INHBA: variants seen among roughly 807,000 people sequenced by gnomAD.
The protein encoded by INHBA is inhibin subunit beta A.
A neutral mutation model predicts 29.0 loss-of-function variants in INHBA; 1 was observed. That is an observed-to-expected ratio of 0.03 (90% confidence interval 0.01 to 0.16). INHBA has a LOEUF of 0.16. Ranked by LOEUF, INHBA falls within the 10% of genes least tolerant of loss-of-function variation. The pLI is 1.00. For synonymous variants in INHBA, 242 were observed against 216.8 expected (o/e 1.12, Z -1.02); for missense variants, 376 against 545.4 (o/e 0.69, Z 3.09).
chr7:41,686,851 T>C lies in INHBA; in HGVS notation c.*2799A>G, dbSNP rs901312789. The C allele has an allele frequency of 3.3e-5, 5 of 152,236 alleles. No individual in the cohort carries two copies. Among genetic ancestry groups the C allele is most frequent in the Admixed American group, 3.3e-4 (5 of 15,280 alleles). 9.4% of individuals were successfully genotyped at this position (152,236 alleles called of 1,614,324 possible). ...TCTTGGTAAATTTCTGCTTTTTCCA[T>C]GGCCTTGACCATCTTTGCTACTGCG... On this transcript the variant is annotated 3_prime_UTR_variant, in exon 3 of 3. Coordinates refer to ENST00000242208, the MANE Select transcript of INHBA (RefSeq NM_002192.4).
intron 2 of INHBA, chr7:41,693,867 C>T (rs959735249): frequency 6.6e-6 from 1 of 152,218 alleles, no homozygotes; most frequent in Non-Finnish European, 1.5e-5. Flanking sequence ...TCTCTCTCCC[C>T]CATATTTCTG....
intron 2 of INHBA, among the ~76,000 whole-genome samples, chr7:41,699,311 C>A (rs1388720100): frequency 6.6e-6 from 1 of 152,064 alleles, no homozygotes; most frequent in African/African-American, 2.4e-5. Context: ...TTTCAGAGAG[C>A]AAAAGTCAGT....
chr7:41,702,831 A>G (rs1794825020), intron 1 of INHBA, among the ~76,000 whole-genome samples, 174 bp downstream of exon 1: 1 of 152,234 alleles, frequency 6.6e-6, no homozygotes, highest in South Asian at 2.1e-4. Flanking sequence ...GTATAAACAT[A>G]TAATCTATTT....
At chr7:41,698,603 C>G (rs954136383) in intron 2 of INHBA, among the ~76,000 whole-genome samples, 4 of 152,104 alleles carry the variant, frequency 2.6e-5, no homozygotes, top group African/African-American at 9.7e-5. Context: ...TAAGAAAGAG[C>G]TTTAGGGAAA....
rs537097205 is a variant in INHBA at position 41,697,558 on chromosome 7, G to A, written c.388+2429C>T. 2.0e-5 allele frequency among the ~76,000 whole-genome samples: 3 copies of A among 152,316 alleles called. No homozygotes were observed. In the South Asian group the frequency reaches 6.2e-4, roughly 32 times the overall value. On this transcript the variant is annotated intron_variant, in intron 2 of 2. Coordinates refer to ENST00000242208, the MANE Select transcript of INHBA (RefSeq NM_002192.4). ...AAATTGAAGAATCTTGAGGTTGAAAGGGGCTGCTATGGGTCTGCATCTGTG... is the reference window on the plus strand; with the variant it reads ...AAATTGAAGAATCTTGAGGTTGAAAAGGGCTGCTATGGGTCTGCATCTGTG...
intron 2 of INHBA, among the ~76,000 whole-genome samples, chr7:41,695,958 C>A (rs1277269426): frequency 6.6e-6 from 1 of 152,154 alleles, no homozygotes; most frequent in African/African-American, 2.4e-5. Context: ...AATATTACAA[C>A]GGACTTTCCA....
At position 41,700,365 on chromosome 7, in the gene INHBA, G is replaced by A; in HGVS notation, c.10C>T (p.Leu4Phe). 6.8e-7 allele frequency: 1 copy of A among 1,469,942 alleles called. No homozygotes were observed. Among genetic ancestry groups the A allele is most frequent in the South Asian group, 1.5e-5 (1 of 66,766 alleles). The allele number at this position is 1,469,942 out of a possible 1,614,324, so 91.1% of individuals were successfully genotyped here. Residue 4 changes from leucine (L) to phenylalanine (F), a missense_variant, in exon 2 of 3, where the codon CTT (leucine) becomes TTT (phenylalanine). Leu to Phe is a conservative substitution (Grantham distance 22, BLOSUM62 0). Transcript: ENST00000242208. MPL[L>F]WLRGFLLASC... Reference sequence around the variant, plus strand: ...GCCAACAGAAATCCTCTCAGCCAAAGCAAGGGCATCCTGGCAGCAAAAGTT... The same window carrying A: ...GCCAACAGAAATCCTCTCAGCCAAAACAAGGGCATCCTGGCAGCAAAAGTT...
chr7:41,694,031 CAGG>C (rs1200318599), intron 2 of INHBA: 3 of 152,306 alleles, frequency 2.0e-5, no homozygotes, highest in African/African-American at 7.2e-5. Flanking sequence ...CCATAATGCT[CAGG>C]AGAACAGGGG....
chr7:41,690,631 T>A (rs1047185595), intron 2 of INHBA, 89 bp from the exon 3 acceptor site: 1 of 1,436,522 alleles, frequency 7.0e-7, no homozygotes, highest in Admixed American at 2.7e-5. Flanking sequence ...CAAGCAGGAG[T>A]CTTCTGTGAC....
chr7:41,689,102 C>CTGTGTG lies in INHBA; in HGVS notation c.*542_*547dup, dbSNP rs56919042. ...GTATATATGTAATGTGTGGAAATGC[C>CTGTGTG]TGTGTGTGTGTGTGTGTGTGTGTGT... On this transcript the variant is annotated 3_prime_UTR_variant, in exon 3 of 3. Transcript: ENST00000242208. 1,819 of 224,682 alleles carry CTGTGTG rather than the reference C, an allele frequency of 8.1e-3. 31 individuals are homozygous for CTGTGTG. Among genetic ancestry groups the CTGTGTG allele is most frequent in the African/African-American group, 0.035 (1,530 of 43,108 alleles). The allele number at this position is 224,682 out of a possible 1,614,324, so 13.9% of individuals were successfully genotyped here.
chr7:41,696,956 A>T (rs1408236060), intron 2 of INHBA, among the ~76,000 whole-genome samples: 1 of 152,212 alleles, frequency 6.6e-6, no homozygotes, highest in East Asian at 1.9e-4. Context: ...TTCTTTCTAC[A>T]ACAAGTGCTA....
chr7:41,695,675 A>G (rs1293904391), intron 2 of INHBA, among the ~76,000 whole-genome samples: 9 of 152,190 alleles, frequency 5.9e-5, no homozygotes, highest in African/African-American at 1.9e-4. Flanking sequence ...TAAAGTGGTG[A>G]TGAAAAAGGT....
At chr7:41,695,869 A>AT (rs1448941921) in intron 2 of INHBA, among the ~76,000 whole-genome samples, 3 of 152,126 alleles carry the variant, frequency 2.0e-5, no homozygotes, top group Non-Finnish European at 4.4e-5. Flanking sequence ...ACGTGCAAGT[A>AT]TTTTTTAGCA....
At position 41,689,504 on chromosome 7, in the gene INHBA, TTTAC is replaced by T. The variant is rs1794451423; in HGVS notation, c.*142_*145del. 2.6e-6 allele frequency: 2 copies of T among 762,792 alleles called. No individual in the cohort carries two copies. The highest frequency in any genetic ancestry group is 1.8e-5 in the African/African-American group (1 of 54,816). 47.3% of individuals were successfully genotyped at this position (762,792 alleles called of 1,614,324 possible). ...CTGTTTCATCAGGTTTTGTTTTTAA[TTTAC>T]TTTTGTTTTTTTTTGTTTTTTTTTT... On this transcript the variant is annotated 3_prime_UTR_variant, in exon 3 of 3. Coordinates refer to ENST00000242208, the MANE Select transcript of INHBA (RefSeq NM_002192.4).
At chr7:41,704,274 C>G (rs1794861017), upstream of INHBA, among the ~76,000 whole-genome samples, 1 of 150,942 alleles carries the variant, frequency 6.6e-6, no homozygotes. Context: ...TGGCTAGATA[C>G]AGAGAAAGTG....
chr7:41,700,902 G>A (rs1198229668), intron 1 of INHBA, among the ~76,000 whole-genome samples: 1 of 144,356 alleles, frequency 6.9e-6, no homozygotes, highest in South Asian at 2.3e-4. Context: ...AAGTAAGTGA[G>A]TGAATGGAGA....
At position 41,689,513 on chromosome 7, in the gene INHBA, G is replaced by GTTTTTTT; in HGVS notation, c.*130_*136dup. On this transcript the variant is annotated 3_prime_UTR_variant, in exon 3 of 3. Coordinates refer to ENST00000242208, the MANE Select transcript of INHBA (RefSeq NM_002192.4). ...CAGGTTTTGTTTTTAATTTACTTTT[G>GTTTTTTT]TTTTTTTTTGTTTTTTTTTTTGTTT... The GTTTTTTT allele has an allele frequency of 1.4e-6, 1 of 712,724 alleles. No individual in the cohort carries two copies. The highest frequency in any genetic ancestry group is 2.0e-6 in the Non-Finnish European group (1 of 495,706). The allele number at this position is 712,724 out of a possible 1,614,324, so 44.1% of individuals were successfully genotyped here.
In INHBA at chr7:41,686,194, C is replaced by T. The variant is rs768098949; in HGVS notation, c.*3456G>A. 2.6e-5 allele frequency: 4 copies of T among 152,080 alleles called. No homozygotes were observed. Among genetic ancestry groups the T allele is most frequent in the Non-Finnish European group, 4.4e-5 (3 of 67,988 alleles). 9.4% of individuals were successfully genotyped at this position (152,080 alleles called of 1,614,324 possible). On this transcript the variant is annotated 3_prime_UTR_variant, in exon 3 of 3. Coordinates refer to ENST00000242208, the MANE Select transcript of INHBA (RefSeq NM_002192.4). ...TTGGTCTTCTGGGATAAGAAATTCCCAACTCAGTGTGCTGAAATTCACCTG... is the reference window on the plus strand; with the variant it reads ...TTGGTCTTCTGGGATAAGAAATTCCTAACTCAGTGTGCTGAAATTCACCTG...
intron 1 of INHBA, 118 bp from the exon 2 acceptor site, chr7:41,700,635 G>A (rs1794762021): frequency 6.7e-6 from 1 of 149,864 alleles, no homozygotes; most frequent in African/African-American, 2.5e-5. Flanking sequence ...CTCCGAGTAA[G>A]AGAGAAGGAA....
Sources: gnomAD v4.1 joint callset for allele counts (sites outside exome capture counted in the v4.1 genomes callset) on GRCh38, gnomAD v4.1.1 for gene constraint, MANE v1.5 for transcripts, NCBI Gene and HGNC (gene_info 2026-07-23, HGNC 2026-07-21) for gene names.